The following CACNA1A variants were observed in gnomAD, a reference collection of about 807,000 sequenced individuals.
The protein encoded by CACNA1A is voltage-dependent P/Q-type calcium channel subunit alpha-1A.
CACNA1A carries 57 observed loss-of-function variants against 262.4 expected under a neutral mutation model. The observed-to-expected ratio is 0.22, with a 90% CI of 0.18 to 0.27. CACNA1A has a LOEUF of 0.27. Among genes scored for constraint, CACNA1A ranks in the 10% least tolerant of loss-of-function variants. The pLI is 1.00. For missense variants in CACNA1A, 2,526 were observed against 3,562.8 expected, an observed-to-expected ratio of 0.71 and a Z score of 7.41; for synonymous variants, 1,431 against 1,419.3, an observed-to-expected ratio of 1.01 and a Z score of -0.18.
Position 13,207,333 on chromosome 19 carries a change from T to C in CACNA1A, c.7501A>G (p.Ser2501Gly), listed in dbSNP as rs1271746453. 9.6e-6 allele frequency: 15 copies of C among 1,561,496 alleles called. No homozygotes were observed. Among genetic ancestry groups the C allele is most frequent in the Non-Finnish European group, 1.3e-5 (15 of 1,161,208 alleles). Residue 2501 changes from serine (S) to glycine (G), a missense_variant, in exon 47 of 47, where the codon AGT becomes GGT. Physicochemically the swap from Ser to Gly is moderately conservative, Grantham distance 56. Transcript: ENST00000360228. The surrounding 1 kb of genome is among the most constrained non-coding windows in gnomAD (Gnocchi z 5.7). ...CGGGCTTAGCACCAATCATCGTCAC[T>C]CTCGCTGTAGGGTTCGTGCAGGCCC... Reference protein sequence around the residue: ...RKGLHEPYSESDDDWC With the variant: ...RKGLHEPYSEGDDDWC
chr19:13,297,363 G>C (rs1259179543), intron 19 of CACNA1A, among the ~76,000 whole-genome samples: 1 of 152,206 alleles, frequency 6.6e-6, no homozygotes, highest in African/African-American at 2.4e-5. Context: ...CTGGTTAGAG[G>C]AATGACCTTG....
At chr19:13,230,706 T>C (rs2055630576) in intron 35 of CACNA1A, among the ~76,000 whole-genome samples, 2 of 150,756 alleles carry the variant, frequency 1.3e-5, no homozygotes, top group Non-Finnish European at 3.0e-5. Context: ...ACTTGGGAGG[T>C]TGAAGCTGAA....
At chr19:13,390,483 C>T (rs1466046926) in intron 3 of CACNA1A, among the ~76,000 whole-genome samples, 1 of 152,120 alleles carries the variant, frequency 6.6e-6, no homozygotes, top group East Asian at 1.9e-4. Flanking sequence ...ATCTGTGCTG[C>T]CAAATATGGT....
intron 24 of CACNA1A, chr19:13,273,915 GT>G (rs35303422): frequency 0.71 from 99,022 of 140,302 alleles, 34,742 homozygotes; most frequent in East Asian, 0.97. Flanking sequence ...CTGGCTAATT[GT>G]TTTTTTTTTT....
chr19:13,305,998 T>C (rs931301664), intron 15 of CACNA1A, among the ~76,000 whole-genome samples: 4 of 150,956 alleles, frequency 2.6e-5, no homozygotes, highest in African/African-American at 9.8e-5. Context: ...AGGCAGAGGT[T>C]GTAGTGAGCC....
At chr19:13,301,457 A>T (rs991864809) in intron 17 of CACNA1A, among the ~76,000 whole-genome samples, 1 of 152,236 alleles carries the variant, frequency 6.6e-6, no homozygotes, top group African/African-American at 2.4e-5. Context: ...TTATATTCCC[A>T]GCCCCCATGA....
intron 3 of CACNA1A, among the ~76,000 whole-genome samples, chr19:13,423,128 A>G (rs2060345147): frequency 1.3e-5 from 2 of 152,176 alleles, no homozygotes; most frequent in Admixed American, 1.3e-4. Flanking sequence ...GCATCTCAAG[A>G]GAAAAGCAAT....
At chr19:13,280,312 A>T (rs951538187) in intron 22 of CACNA1A, among the ~76,000 whole-genome samples, 1 of 151,692 alleles carries the variant, frequency 6.6e-6, no homozygotes, top group South Asian at 2.1e-4. Flanking sequence ...AGTGGCTGGG[A>T]CCACAGGTGT....
chr19:13,339,014 C>T lies in CACNA1A; in HGVS notation c.979-3105G>A, dbSNP rs1174697824. Among the ~76,000 whole-genome samples the T allele has an allele frequency of 2.6e-5, 4 of 152,168 alleles. No homozygotes were observed. The South Asian group carries it at 6.2e-4, about 24-fold the overall frequency. On this transcript the variant is annotated intron_variant, in intron 6 of 46. Coordinates refer to ENST00000360228, the MANE Select transcript of CACNA1A (RefSeq NM_001127222.2). ...CTGAGTAGTTGGGATTACAGGCGCC[C>T]GCCACCATGCCTGGCTAATTTTTGT...
chr19:13,358,160 A>G (rs2059040494), intron 6 of CACNA1A, among the ~76,000 whole-genome samples: 2 of 152,272 alleles, frequency 1.3e-5, no homozygotes, highest in Non-Finnish European at 1.5e-5. Flanking sequence ...CTCCTGGCAG[A>G]GCAGCATCAT....
Position 13,300,563 on chromosome 19 carries a change from T to C in CACNA1A, c.2266A>G (p.Met756Val), listed in dbSNP as rs774992475. Residue 756 changes from methionine to valine, a missense_variant, in exon 18 of 47, where the codon ATG becomes GTG. By Grantham distance (21) the Met-to-Val change is conservative. This residue lies in a region of CACNA1A where 765 missense variants were observed against 748.6 expected (regional missense o/e 1.02). Transcript: ENST00000360228. ...AGGGGCACTTACACAGCTATAGACA[T>C]GTTGGCCGCGGACAGAGGACTCACT... is the stretch of plus-strand genomic sequence containing the variant. Reference protein sequence around the residue: ...AEVSPLSAANMSIAVKEQQKN... With the variant: ...AEVSPLSAANVSIAVKEQQKN... The C allele has an allele frequency of 1.2e-6, 2 of 1,612,680 alleles. No homozygotes were observed. Among genetic ancestry groups the C allele is most frequent in the Non-Finnish European group, 1.7e-6 (2 of 1,178,700 alleles).
At chr19:13,234,249 C>CCCA (rs1356118979) in intron 34 of CACNA1A, among the ~76,000 whole-genome samples, 1 of 143,868 alleles carries the variant, frequency 7.0e-6, no homozygotes, top group Non-Finnish European at 1.5e-5. Flanking sequence ...ACTCGGGAGG[C>CCCA]TGAGGCAGGA....
rs2054576213 is a variant in CACNA1A at position 13,206,586 on chromosome 19, CTTTT to C, written c.*723_*726del. The C allele has an allele frequency of 6.5e-6, 1 of 153,844 alleles. No individual in the cohort carries two copies. The highest frequency in any genetic ancestry group is 2.0e-4 in the South Asian group (1 of 4,902). The allele number at this position is 153,844 out of a possible 1,614,324, so 9.5% of individuals were successfully genotyped here. On this transcript the variant is annotated 3_prime_UTR_variant, in exon 47 of 47. Coordinates refer to ENST00000360228, the MANE Select transcript of CACNA1A (RefSeq NM_001127222.2). ...GTGGTGATGGTGGGTTTTTCTTCTT[CTTTT>C]GTTGTTTCAAGCAGGACCAAATGTC...
chr19:13,211,767 C>A, intron 43 of CACNA1A: 1 of 301,292 alleles, frequency 3.3e-6, no homozygotes, highest in East Asian at 7.6e-5. Context: ...CTCAGCTGGC[C>A]CTGTTGAACC....
chr19:13,216,952 G>A (rs1168890154), intron 38 of CACNA1A, among the ~76,000 whole-genome samples: 4 of 152,254 alleles, frequency 2.6e-5, no homozygotes, highest in Non-Finnish European at 5.9e-5. Context: ...TGGTCAACAT[G>A]GTGAAACCAG....
intron 3 of CACNA1A, among the ~76,000 whole-genome samples, chr19:13,394,059 A>AC (rs2059768195): frequency 6.6e-6 from 1 of 152,178 alleles, no homozygotes; most frequent in Admixed American, 6.6e-5. Flanking sequence ...GTTATATTCA[A>AC]TAAAAGGTTA....
intron 3 of CACNA1A, among the ~76,000 whole-genome samples, chr19:13,411,354 G>A (rs557420490): frequency 6.6e-6 from 1 of 152,236 alleles, no homozygotes; most frequent in Admixed American, 6.5e-5. Context: ...ACGTGTCAAG[G>A]GCGGCGCCAG....
chr19:13,468,866 C>A (rs761988480), intron 1 of CACNA1A, among the ~76,000 whole-genome samples: 1 of 152,172 alleles, frequency 6.6e-6, no homozygotes, highest in Non-Finnish European at 1.5e-5. Flanking sequence ...GGTGGGGCCA[C>A]TGGCAGCCTC....
chr19:13,268,729 C>T (rs898322373), intron 24 of CACNA1A, among the ~76,000 whole-genome samples: 3 of 152,024 alleles, frequency 2.0e-5, no homozygotes, highest in Non-Finnish European at 2.9e-5. Flanking sequence ...CCACCGCGCC[C>T]GGCTGTGATA....
Sources: gnomAD v4.1 joint callset for allele counts (sites outside exome capture counted in the v4.1 genomes callset) on GRCh38, gnomAD v4.1.1 for gene constraint, gnomAD v4.1.1 regional missense constraint, Gnocchi (gnomAD v3.1) non-coding constraint, MANE v1.5 for transcripts, NCBI Gene and HGNC (gene_info 2026-07-23, HGNC 2026-07-21) for gene names.